The following STAC variants were observed in gnomAD, a reference collection of about 807,000 sequenced individuals.
The protein encoded by STAC is SH3 and cysteine-rich domain-containing protein.
Under a neutral mutation model 48.8 loss-of-function variants are expected in STAC, and 43 were observed. The observed-to-expected ratio is 0.88, with a 90% CI of 0.69 to 1.14. The LOEUF is 1.14. Among genes scored for constraint, STAC ranks in the 50% most tolerant of loss-of-function variants. STAC has a pLI of 0.00. For synonymous variants in STAC, 193 were observed against 179.5 expected (o/e 1.07, Z -0.60); for missense variants, 497 against 504.0 (o/e 0.99, Z 0.13).
intron 10 of STAC, among the ~76,000 whole-genome samples, chr3:36,533,502 TCAGAATAATCTTATGC>T (rs1699123548): frequency 1.4e-5 from 1 of 72,222 alleles, no homozygotes; most frequent in Non-Finnish European, 2.7e-5. Flanking sequence ...TTTTTTTTTT[TCAGAATAATCTTATGC>T]TTTCCCATTT....
chr3:36,465,728 A>G (rs895286207), intron 2 of STAC, among the ~76,000 whole-genome samples: 2 of 152,178 alleles, frequency 1.3e-5, no homozygotes, highest in Non-Finnish European at 2.9e-5. Context: ...CCAAAACTGA[A>G]GAACTTGGAG....
chr3:36,408,121 T>C (rs1474449647), intron 1 of STAC, among the ~76,000 whole-genome samples: 2 of 152,208 alleles, frequency 1.3e-5, no homozygotes, highest in Admixed American at 6.5e-5. Context: ...TCAGCCAGGG[T>C]GGACTCTTGT....
At chr3:36,440,432 G>A (rs981155234) in intron 1 of STAC, among the ~76,000 whole-genome samples, 8 of 152,194 alleles carry the variant, frequency 5.3e-5, no homozygotes, top group Non-Finnish European at 1.2e-4. Flanking sequence ...ACAGCAGGGT[G>A]GCTCTGCTTC....
intron 5 of STAC, among the ~76,000 whole-genome samples, chr3:36,490,629 A>G (rs1032647020): frequency 1.3e-5 from 2 of 152,132 alleles, no homozygotes; most frequent in Admixed American, 6.5e-5. Flanking sequence ...ATCTATCTGC[A>G]CGAGCAGTAG....
intron 8 of STAC, among the ~76,000 whole-genome samples, chr3:36,511,074 A>G (rs1698526844): frequency 6.6e-6 from 1 of 151,912 alleles, no homozygotes. Flanking sequence ...GAAATACTAG[A>G]TAGAATAGGT....
intron 6 of STAC, among the ~76,000 whole-genome samples, chr3:36,495,061 G>T (rs1698103882): frequency 6.6e-6 from 1 of 152,102 alleles, no homozygotes; most frequent in South Asian, 2.1e-4. Flanking sequence ...GGAAACATTT[G>T]GTCCTTGGCC....
At chr3:36,433,284 T>G (rs1460716675) in intron 1 of STAC, among the ~76,000 whole-genome samples, 1 of 152,226 alleles carries the variant, frequency 6.6e-6, no homozygotes, top group East Asian at 1.9e-4. Flanking sequence ...TCTTAGTTTA[T>G]CTAGGTGCAT....
At chr3:36,480,520 C>A (rs893017511) in intron 2 of STAC, among the ~76,000 whole-genome samples, 4 of 152,088 alleles carry the variant, frequency 2.6e-5, no homozygotes, top group African/African-American at 9.7e-5. Context: ...GGTTCTTACC[C>A]CCCCTTATTT....
At chr3:36,438,228 G>T (rs73065726) in intron 1 of STAC, among the ~76,000 whole-genome samples, 3,511 of 152,210 alleles carry the variant, frequency 0.023, 59 homozygotes, top group Non-Finnish European at 0.025. Flanking sequence ...ACCGCACCCG[G>T]CCTGATTGAA....
chr3:36,492,117 C>A (rs1276907705), intron 5 of STAC, among the ~76,000 whole-genome samples: 9 of 123,468 alleles, frequency 7.3e-5, no homozygotes, highest in Admixed American at 9.3e-5. Flanking sequence ...GAGGATAGAG[C>A]CAGTTAGACT....
intron 1 of STAC, among the ~76,000 whole-genome samples, chr3:36,384,845 A>C (rs1699583339): frequency 6.6e-6 from 1 of 152,172 alleles, no homozygotes; most frequent in Non-Finnish European, 1.5e-5. Context: ...GAAATCTCTA[A>C]CCATGAAGAC....
At chr3:36,385,488 C>CT (rs1306187062) in intron 1 of STAC, among the ~76,000 whole-genome samples, 7 of 151,794 alleles carry the variant, frequency 4.6e-5, no homozygotes, top group South Asian at 2.1e-4. Flanking sequence ...GTATTATAGT[C>CT]TTTTTTTTAG....
intron 2 of STAC, among the ~76,000 whole-genome samples, chr3:36,447,713 A>G (rs183494655): frequency 1.3e-5 from 2 of 152,080 alleles, no homozygotes; most frequent in East Asian, 3.9e-4. Context: ...AGACAAAGCA[A>G]TGTTTGCTCA....
chr3:36,477,778 T>C (rs1027106863), intron 2 of STAC, among the ~76,000 whole-genome samples: 1 of 152,208 alleles, frequency 6.6e-6, no homozygotes, highest in Non-Finnish European at 1.5e-5. Flanking sequence ...AAAACTGTTT[T>C]AATTTAGCCC....
At position 36,380,628 on chromosome 3, in the gene STAC, T is replaced by C. The variant is rs1056633491; in HGVS notation, c.-16T>C. 2 of 1,564,916 alleles carry C rather than the reference T, an allele frequency of 1.3e-6. No individual in the cohort carries two copies. The highest frequency in any genetic ancestry group is 2.7e-5 in the African/African-American group (2 of 73,834). On this transcript the variant is annotated 5_prime_UTR_variant, in exon 1 of 11. Coordinates refer to ENST00000273183, the MANE Select transcript of STAC (RefSeq NM_003149.3). Reference sequence around the variant, plus strand: ...CTGTTCCTCCGGGAGCCCAACACCGTTCCCGCGCGGCCACGATGATCCCTC... The same window carrying C: ...CTGTTCCTCCGGGAGCCCAACACCGCTCCCGCGCGGCCACGATGATCCCTC...
At chr3:36,385,916 T>C (rs1288208923) in intron 1 of STAC, among the ~76,000 whole-genome samples, 1 of 152,082 alleles carries the variant, frequency 6.6e-6, no homozygotes, top group East Asian at 1.9e-4. Context: ...TTGGATTGTT[T>C]CTTGTTTTGG....
chr3:36,545,024 G>A (rs1699413229), intron 10 of STAC, among the ~76,000 whole-genome samples: 2 of 152,184 alleles, frequency 1.3e-5, no homozygotes, highest in African/African-American at 4.8e-5. Context: ...CATGATGGAA[G>A]AGCCCACTGT....
At chr3:36,542,355 CA>C (rs1427377631) in intron 10 of STAC, among the ~76,000 whole-genome samples, 3 of 152,264 alleles carry the variant, frequency 2.0e-5, no homozygotes, top group Admixed American at 6.5e-5. Flanking sequence ...TGAGACAGAT[CA>C]GAAGGTCAGC....
intron 7 of STAC, among the ~76,000 whole-genome samples, chr3:36,505,119 A>T (rs1008822829): frequency 8.5e-5 from 13 of 152,170 alleles, no homozygotes; most frequent in African/African-American, 2.9e-4. Context: ...GTTAAGTTCA[A>T]GTATGCTAAT....
Sources: allele counts gnomAD v4.1 joint callset (sites outside exome capture counted in the v4.1 genomes callset), GRCh38; gene constraint gnomAD v4.1.1; transcripts MANE v1.5; gene names NCBI Gene and HGNC (gene_info 2026-07-23, HGNC 2026-07-21).